The following EMILIN2 variants were observed in gnomAD, a reference collection of about 807,000 sequenced individuals.
EMILIN2 encodes the protein elastin microfibril interfacer 2.
In EMILIN2, 71 loss-of-function variants were observed where a neutral mutation model predicts 87.1. The ratio of observed to expected loss-of-function variants is 0.82; its 90% confidence interval spans 0.67 to 0.99. The LOEUF (loss-of-function observed/expected upper bound fraction) is 0.99, where lower values mean the gene tolerates loss of function less well. EMILIN2 is among the 50% of genes least tolerant of loss of function. EMILIN2 has a pLI of 0.00. For synonymous variants in EMILIN2, 581 were observed against 563.4 expected (o/e 1.03, Z -0.44); for missense variants, 1,407 against 1,371.8 (o/e 1.03, Z -0.40).
At chr18:2,864,425 A>G (rs1325286114) in intron 2 of EMILIN2, among the ~76,000 whole-genome samples, 3 of 152,150 alleles carry the variant, frequency 2.0e-5, no homozygotes, top group East Asian at 3.8e-4. Context: ...GGTGGTGACA[A>G]AATCTCTCAG....
At chr18:2,895,905 A>G (rs7241203) in intron 4 of EMILIN2, among the ~76,000 whole-genome samples, 9,670 of 152,200 alleles carry the variant, frequency 0.064, 1,009 homozygotes, top group African/African-American at 0.22. Flanking sequence ...AGAGGTGAAG[A>G]TGTGTGATGG....
chr18:2,899,465 C>A (rs1485768368), intron 4 of EMILIN2, among the ~76,000 whole-genome samples: 1 of 152,192 alleles, frequency 6.6e-6, no homozygotes, highest in Admixed American at 6.5e-5. Context: ...CTCCTATGCG[C>A]TTCCATATAA....
At chr18:2,881,300 C>T (rs951262990) in intron 2 of EMILIN2, among the ~76,000 whole-genome samples, 11 of 152,166 alleles carry the variant, frequency 7.2e-5, no homozygotes, top group Admixed American at 2.0e-4. Context: ...AGTCCTCTTC[C>T]CCATGCTAGA....
intron 2 of EMILIN2, among the ~76,000 whole-genome samples, chr18:2,861,136 C>T (rs1224849470): frequency 6.6e-6 from 1 of 152,018 alleles, no homozygotes; most frequent in Non-Finnish European, 1.5e-5. Context: ...GATATTAGCC[C>T]TTTGTCAGAT....
intron 4 of EMILIN2, among the ~76,000 whole-genome samples, chr18:2,905,320 G>A (rs1291464816): frequency 7.1e-6 from 1 of 140,132 alleles, no homozygotes. Context: ...GCATGTATTT[G>A]ATCTGCCATA....
chr18:2,889,326 T>C (rs867515665), intron 3 of EMILIN2, among the ~76,000 whole-genome samples: 1 of 151,702 alleles, frequency 6.6e-6, no homozygotes, highest in Non-Finnish European at 1.5e-5. Flanking sequence ...TTAGTAGAGA[T>C]GGGGTTACGC....
chr18:2,864,232 T>C (rs1216393435), intron 2 of EMILIN2, among the ~76,000 whole-genome samples: 1 of 152,242 alleles, frequency 6.6e-6, no homozygotes, highest in Non-Finnish European at 1.5e-5. Context: ...TTAAGGTTAA[T>C]ATTGTTATGT....
In EMILIN2 at chr18:2,893,727, G is replaced by C. The variant is rs2076850831; in HGVS notation, c.2359+1241G>C. On this transcript the variant is annotated intron_variant, in intron 4 of 7. Transcript: ENST00000254528. Reference sequence around the variant, plus strand: ...CGTTTTTGAACACTTTCTATGTACAGCACTGGCTTGGTCACTTCAGGGGGA... The same window carrying C: ...CGTTTTTGAACACTTTCTATGTACACCACTGGCTTGGTCACTTCAGGGGGA... 5.9e-5 allele frequency among the ~76,000 whole-genome samples: 9 copies of C among 152,158 alleles called. No individual in the cohort carries two copies. The South Asian group carries it at 1.9e-3, about 32-fold the overall frequency.
intron 3 of EMILIN2, among the ~76,000 whole-genome samples, chr18:2,887,911 C>T (rs145127494): frequency 4.6e-5 from 7 of 152,282 alleles, no homozygotes; most frequent in African/African-American, 1.7e-4. Flanking sequence ...AAGTGATCCT[C>T]CCACCTCAGC....
chr18:2,901,520 T>C (rs1195159743), intron 4 of EMILIN2, among the ~76,000 whole-genome samples: 1 of 152,134 alleles, frequency 6.6e-6, no homozygotes, highest in Non-Finnish European at 1.5e-5. Context: ...GAATGGCCTT[T>C]AATCCCTACA....
intron 2 of EMILIN2, among the ~76,000 whole-genome samples, chr18:2,875,112 GC>G (rs2076740772): frequency 6.6e-6 from 1 of 152,214 alleles, no homozygotes; most frequent in African/African-American, 2.4e-5. Context: ...GGGTGCCGGT[GC>G]TGCAAACCAG....
chr18:2,862,203 T>G (rs2076664566), intron 2 of EMILIN2, among the ~76,000 whole-genome samples: 1 of 152,168 alleles, frequency 6.6e-6, no homozygotes, highest in Non-Finnish European at 1.5e-5. Context: ...ACTTCCTCCT[T>G]TCCTAATTGA....
intron 3 of EMILIN2, among the ~76,000 whole-genome samples, chr18:2,889,292 C>T (rs558059420): frequency 6.6e-6 from 1 of 151,994 alleles, no homozygotes; most frequent in African/African-American, 2.4e-5. Flanking sequence ...CACCAGCCAC[C>T]ACACCTGGCT....
chr18:2,884,816 TG>T, intron 2 of EMILIN2, 147 bp from the exon 3 acceptor site: 1 of 717,930 alleles, frequency 1.4e-6, no homozygotes, highest in African/African-American at 1.8e-5. Flanking sequence ...CAGTCAGATC[TG>T]GACTGAGGAG....
intron 2 of EMILIN2, among the ~76,000 whole-genome samples, chr18:2,878,217 TG>T (rs1459911906): frequency 2.6e-5 from 4 of 152,168 alleles, no homozygotes; most frequent in Admixed American, 1.3e-4. Context: ...TGGCCGGGTG[TG>T]GTGGCTCACA....
intron 4 of EMILIN2, among the ~76,000 whole-genome samples, chr18:2,903,329 G>A (rs1463850462): frequency 6.6e-6 from 1 of 152,098 alleles, no homozygotes; most frequent in Non-Finnish European, 1.5e-5. Flanking sequence ...GGCAGAAACA[G>A]GCCGTCAGTG....
chr18:2,904,103 A>G (rs2076899537), intron 4 of EMILIN2, among the ~76,000 whole-genome samples: 1 of 152,190 alleles, frequency 6.6e-6, no homozygotes, highest in African/African-American at 2.4e-5. Context: ...CTGGGTACAG[A>G]TTTCAAGGTT....
intron 2 of EMILIN2, among the ~76,000 whole-genome samples, chr18:2,860,719 G>A (rs1416954239): frequency 1.3e-5 from 2 of 152,150 alleles, no homozygotes; most frequent in Non-Finnish European, 1.5e-5. Flanking sequence ...TGTCTTTATA[G>A]CAGCATGATT....
intron 2 of EMILIN2, among the ~76,000 whole-genome samples, chr18:2,872,199 G>T (rs568265938): frequency 6.6e-6 from 1 of 152,314 alleles, no homozygotes; most frequent in South Asian, 2.1e-4. Context: ...GGCATCCAAA[G>T]GATGCTGCTG....
Sources: allele counts gnomAD v4.1 joint callset (sites outside exome capture counted in the v4.1 genomes callset), GRCh38; gene constraint gnomAD v4.1.1; transcripts MANE v1.5; gene names NCBI Gene and HGNC (gene_info 2026-07-23, HGNC 2026-07-21).